FREM2: variants seen among roughly 807,000 people sequenced by gnomAD.
FREM2 encodes the protein FRAS1-related extracellular matrix protein 2.
In FREM2, 119 loss-of-function variants were observed where a neutral mutation model predicts 219.9. That is an observed-to-expected ratio of 0.54 (90% confidence interval 0.47 to 0.63). The LOEUF is 0.63. Ranked by LOEUF, FREM2 falls within the 30% of genes least tolerant of loss-of-function variation. The pLI is 0.00. For missense variants in FREM2, 4,030 were observed against 3,993.6 expected, an observed-to-expected ratio of 1.01 and a Z score of -0.25; for synonymous variants, 1,562 against 1,522.8, an observed-to-expected ratio of 1.03 and a Z score of -0.60.
intron 2 of FREM2, among the ~76,000 whole-genome samples, chr13:38,754,673 C>G (rs1433233994): frequency 1.3e-5 from 2 of 152,132 alleles, no homozygotes; most frequent in South Asian, 2.1e-4. Context: ...CTCAATCTGT[C>G]CAGCTCTCCT....
chr13:38,872,708 A>G (rs1448345927), intron 16 of FREM2, 34 bp from the exon 17 acceptor site: 1 of 1,588,402 alleles, frequency 6.3e-7, no homozygotes, highest in Admixed American at 1.7e-5. Context: ...GTTAACACTG[A>G]GTCATGTTGA....
At chr13:38,790,572 G>A (rs929777883) in intron 6 of FREM2, among the ~76,000 whole-genome samples, 3 of 152,110 alleles carry the variant, frequency 2.0e-5, no homozygotes, top group Non-Finnish European at 4.4e-5. Flanking sequence ...GGTGCTTATG[G>A]ACTACTCTTC....
intron 12 of FREM2, among the ~76,000 whole-genome samples, chr13:38,857,382 A>C (rs1877601366): frequency 6.6e-6 from 1 of 152,174 alleles, no homozygotes; most frequent in Non-Finnish European, 1.5e-5. Flanking sequence ...GGTTTCAGGC[A>C]GTGCCTTCTG....
intron 6 of FREM2, among the ~76,000 whole-genome samples, chr13:38,790,577 C>T (rs1874520996): frequency 6.6e-6 from 1 of 152,158 alleles, no homozygotes; most frequent in South Asian, 2.1e-4. Context: ...TTATGGACTA[C>T]TCTTCTAATA....
chr13:38,777,630 G>C (rs756827275), intron 4 of FREM2, among the ~76,000 whole-genome samples: 3 of 152,186 alleles, frequency 2.0e-5, no homozygotes, highest in Non-Finnish European at 2.9e-5. Context: ...ATGCCTACTA[G>C]CTAAGAATTT....
At chr13:38,849,767 C>A (rs1877300808) in intron 8 of FREM2, among the ~76,000 whole-genome samples, 1 of 152,194 alleles carries the variant, frequency 6.6e-6, no homozygotes. Context: ...CATGTAGATA[C>A]AAATATCTTA....
At chr13:38,700,616 A>T (rs1202702484) in intron 2 of FREM2, among the ~76,000 whole-genome samples, 1 of 151,942 alleles carries the variant, frequency 6.6e-6, no homozygotes, top group African/African-American at 2.4e-5. Flanking sequence ...AGCAAAAAAA[A>T]CTTAGTATGA....
intron 6 of FREM2, among the ~76,000 whole-genome samples, chr13:38,797,618 C>T (rs1040507061): frequency 6.6e-6 from 1 of 151,958 alleles, no homozygotes; most frequent in African/African-American, 2.4e-5. Context: ...TTAATATAGC[C>T]CCATTTGTCT....
At chr13:38,879,064 A>G (rs1878453100) in intron 23 of FREM2, 87 bp downstream of exon 23, 1 of 1,179,186 alleles carries the variant, frequency 8.5e-7, no homozygotes, top group East Asian at 2.3e-5. Context: ...TCTCATATGT[A>G]AATAGCAGTA....
At chr13:38,709,064 T>C (rs1038457441) in intron 2 of FREM2, among the ~76,000 whole-genome samples, 9 of 152,142 alleles carry the variant, frequency 5.9e-5, no homozygotes, top group African/African-American at 1.9e-4. Flanking sequence ...CCAGCCTCAA[T>C]GTTCTCTCAC....
At chr13:38,763,967 CA>C (rs1168006621) in intron 2 of FREM2, among the ~76,000 whole-genome samples, 1 of 152,146 alleles carries the variant, frequency 6.6e-6, no homozygotes, top group African/African-American at 2.4e-5. Context: ...ACTTGCTCTC[CA>C]GTGGCACCTT....
In FREM2 at chr13:38,688,188, A is replaced by T; in HGVS notation, c.844A>T (p.Met282Leu). The part of the protein sequence containing the change: ...SRSPNRDWIP[M>L]VVELRSRGAP... ...CTCACCAAACAGGGACTGGATACCC[A>T]TGGTGGTGGAGCTGCGTTCACGAGG... is the stretch of plus-strand genomic sequence containing the variant. Residue 282 changes from methionine to leucine, a missense_variant, in exon 1 of 24, where the codon ATG becomes TTG. Met to Leu is a conservative substitution (Grantham distance 15, BLOSUM62 2). Transcript: ENST00000280481. 1 of 1,613,390 alleles carries T rather than the reference A, an allele frequency of 6.2e-7. No homozygotes were observed. Among genetic ancestry groups the T allele is most frequent in the Non-Finnish European group, 8.5e-7 (1 of 1,179,722 alleles).
At chr13:38,807,276 T>C (rs2137858756) in intron 6 of FREM2, among the ~76,000 whole-genome samples, 1 of 141,122 alleles carries the variant, frequency 7.1e-6, no homozygotes. Flanking sequence ...GATCTCACTA[T>C]GTTGCCCAGG....
chr13:38,802,613 T>A (rs1875059951), intron 6 of FREM2, among the ~76,000 whole-genome samples: 1 of 152,168 alleles, frequency 6.6e-6, no homozygotes, highest in Non-Finnish European at 1.5e-5. Flanking sequence ...GCTCAGCCTG[T>A]CTCTGCCCCT....
chr13:38,884,791 T>A lies in FREM2; in HGVS notation c.*4004T>A, dbSNP rs1878673244. ...AGCCACACATACACACACACAGACATAAAATAACCAAACATCTCATTTCTA... is the reference window on the plus strand; with the variant it reads ...AGCCACACATACACACACACAGACAAAAAATAACCAAACATCTCATTTCTA... On this transcript the variant is annotated 3_prime_UTR_variant, in exon 24 of 24. Transcript: ENST00000280481. The A allele has an allele frequency of 6.6e-6, 1 of 151,998 alleles. No individual in the cohort carries two copies. Among genetic ancestry groups the A allele is most frequent in the Non-Finnish European group, 1.5e-5 (1 of 67,974 alleles). 9.4% of individuals were successfully genotyped at this position (151,998 alleles called of 1,614,324 possible).
chr13:38,708,499 C>A (rs1234178940), intron 2 of FREM2, among the ~76,000 whole-genome samples: 3 of 151,892 alleles, frequency 2.0e-5, no homozygotes, highest in Admixed American at 6.6e-5. Flanking sequence ...ACTAAAAATA[C>A]AAAAATTAGC....
rs1403084035 is a variant in FREM2, at chr13:38,753,961, ATTTTATTTTATT to A, written c.5264-10328_5264-10317del. 6.7e-3 allele frequency among the ~76,000 whole-genome samples: 991 copies of A among 147,648 alleles called. 12 individuals carry two copies. The highest frequency in any genetic ancestry group is 0.024 in the African/African-American group (960 of 39,342). ...GGATCAAAATTAACACATTCTTTTT[ATTTTATTTTATT>A]TTTTATTTTATTTTATTTTATTTTT... On this transcript the variant is annotated intron_variant, in intron 2 of 23. Transcript: ENST00000280481.
chr13:38,726,779 A>G (rs1355594968), intron 2 of FREM2, among the ~76,000 whole-genome samples: 3 of 152,204 alleles, frequency 2.0e-5, no homozygotes, highest in Middle Eastern at 3.2e-3. Context: ...CTGCTCTTAT[A>G]TGCTATTTTC....
At chr13:38,711,371 A>G (rs1400614761) in intron 2 of FREM2, among the ~76,000 whole-genome samples, 1 of 152,180 alleles carries the variant, frequency 6.6e-6, no homozygotes, top group Non-Finnish European at 1.5e-5. Flanking sequence ...AGCATTTTAT[A>G]CTAGATTAAA....
Sources: gnomAD v4.1 joint callset for allele counts (sites outside exome capture counted in the v4.1 genomes callset) on GRCh38, gnomAD v4.1.1 for gene constraint, MANE v1.5 for transcripts, NCBI Gene and HGNC (gene_info 2026-07-23, HGNC 2026-07-21) for gene names.